MARK3: variants seen among roughly 807,000 people sequenced by gnomAD.
The protein encoded by MARK3 is MAP/microtubule affinity-regulating kinase 3.
Under a neutral mutation model 90.1 loss-of-function variants are expected in MARK3, and 46 were observed. The observed-to-expected ratio is 0.51, with a 90% CI of 0.40 to 0.65. The LOEUF (loss-of-function observed/expected upper bound fraction) is 0.65, where lower values mean the gene tolerates loss of function less well. Among genes scored for constraint, MARK3 ranks in the 30% least tolerant of loss-of-function variants. The pLI is 0.00. For missense variants in MARK3, 818 were observed against 947.2 expected (o/e 0.86, Z 1.79); for synonymous variants, 321 against 332.6 (o/e 0.97, Z 0.38).
At chr14:103,424,477 G>A (rs1364390174) in intron 2 of MARK3, among the ~76,000 whole-genome samples, 1 of 151,080 alleles carries the variant, frequency 6.6e-6, no homozygotes, top group Non-Finnish European at 1.5e-5. Flanking sequence ...AATGAACTGT[G>A]ATCATGTCAC....
intron 17 of MARK3, among the ~76,000 whole-genome samples, 157 bp from the exon 18 acceptor site, chr14:103,502,725 G>A (rs2075738100): frequency 1.3e-5 from 2 of 152,208 alleles, no homozygotes; most frequent in South Asian, 2.1e-4. Flanking sequence ...GAAAATAGAC[G>A]AAAATAGACT....
intron 6 of MARK3, chr14:103,458,793 TTTG>T (rs2093335540): frequency 1.4e-6 from 1 of 712,728 alleles, no homozygotes; most frequent in African/African-American, 1.7e-5. Context: ...GATGTTTACA[TTTG>T]TAAGTGATAG....
intron 2 of MARK3, among the ~76,000 whole-genome samples, chr14:103,415,743 T>A (rs1345271943): frequency 6.6e-6 from 1 of 152,238 alleles, no homozygotes; most frequent in African/African-American, 2.4e-5. Context: ...TGTTTAAAAA[T>A]TATTTTCCTA....
chr14:103,496,971 G>A (rs999805733), intron 15 of MARK3, among the ~76,000 whole-genome samples: 1 of 152,140 alleles, frequency 6.6e-6, no homozygotes, highest in South Asian at 2.1e-4. Flanking sequence ...AAACCCAGGA[G>A]TTTGAGGTTA....
In MARK3 at chr14:103,386,089, C is replaced by T. The variant is rs541669877; in HGVS notation, c.51+9C>T. 3.1e-5 allele frequency: 50 copies of T among 1,614,052 alleles called. No individual in the cohort carries two copies. The South Asian group carries it at 3.2e-4, about 10-fold the overall frequency. Reference sequence around the variant, plus strand: ...AACGAGACACTGAAAACGTAAGTAACCTGGGCGTTGTAGTTGGCGGACCTT... The same window carrying T: ...AACGAGACACTGAAAACGTAAGTAATCTGGGCGTTGTAGTTGGCGGACCTT... On this transcript the variant is annotated intron_variant, in intron 1 of 17. Transcript: ENST00000429436.
chr14:103,390,570 A>G (rs2090169017), intron 1 of MARK3, among the ~76,000 whole-genome samples: 2 of 152,314 alleles, frequency 1.3e-5, no homozygotes, highest in South Asian at 2.1e-4. Flanking sequence ...AACACTAACA[A>G]TAGCTGATAA....
intron 2 of MARK3, chr14:103,412,794 G>T: frequency 2.4e-6 from 1 of 418,506 alleles, no homozygotes; most frequent in South Asian, 2.0e-5. Flanking sequence ...AGAAAAGAGG[G>T]TTTAGTTGGT....
intron 1 of MARK3, among the ~76,000 whole-genome samples, chr14:103,400,981 G>GTGTA (rs1555371023): frequency 4.8e-5 from 7 of 144,732 alleles, no homozygotes; most frequent in East Asian, 4.0e-4. Flanking sequence ...GTGTGTGTGT[G>GTGTA]TATGCAGGTT....
At chr14:103,467,475 G>C in intron 11 of MARK3, 1 of 202,658 alleles carries the variant, frequency 4.9e-6, no homozygotes, top group Non-Finnish European at 9.9e-6. Context: ...GACCAGACTG[G>C]CCAACATAGG....
At chr14:103,500,040 T>G in intron 16 of MARK3, 116 bp from the exon 17 acceptor site, 1 of 783,904 alleles carries the variant, frequency 1.3e-6, no homozygotes, top group Admixed American at 2.1e-5. Context: ...GTTTAAAACG[T>G]GTTTTGGCTT....
At position 103,385,985 on chromosome 14, in the gene MARK3, G is replaced by A; in HGVS notation, c.-45G>A. On this transcript the variant is annotated 5_prime_UTR_variant, in exon 1 of 18. Coordinates refer to ENST00000429436, the MANE Select transcript of MARK3 (RefSeq NM_001128918.3). ...GTCGCCGGCCTCCTAGGGCTGTGCTGTTTTGTTTTGACCCTCGCATTGTGC... is the reference window on the plus strand; with the variant it reads ...GTCGCCGGCCTCCTAGGGCTGTGCTATTTTGTTTTGACCCTCGCATTGTGC... 15 of 1,550,788 alleles carry A rather than the reference G, an allele frequency of 9.7e-6. No individual in the cohort carries two copies. The highest frequency in any genetic ancestry group is 1.3e-5 in the Non-Finnish European group (15 of 1,122,294).
At chr14:103,424,748 GT>G (rs1384643041) in intron 2 of MARK3, among the ~76,000 whole-genome samples, 3 of 152,150 alleles carry the variant, frequency 2.0e-5, no homozygotes, top group Non-Finnish European at 4.4e-5. Context: ...ATGTCTAACG[GT>G]TTCATTGGAA....
At chr14:103,460,412 A>G (rs141833731) in intron 6 of MARK3, among the ~76,000 whole-genome samples, 10 of 151,950 alleles carry the variant, frequency 6.6e-5, no homozygotes, top group Non-Finnish European at 1.5e-4. Flanking sequence ...TTACCTCTTT[A>G]TTGGTGGGCT....
rs556842053 is a variant in MARK3, at chr14:103,449,190, T to C, written c.346+223T>C. ...TTTAATCTGGTAGAAACATCTGTAC[T>C]CTGATTATAATTTTCTAATTTTTAA... On this transcript the variant is annotated intron_variant, in intron 4 of 17. Coordinates refer to ENST00000429436, the MANE Select transcript of MARK3 (RefSeq NM_001128918.3). Among the ~76,000 whole-genome samples the C allele has an allele frequency of 8.6e-4, 130 of 151,912 alleles. 1 individual carries two copies. The highest frequency in any genetic ancestry group is 3.1e-3 in the African/African-American group (127 of 41,522).
intron 1 of MARK3, among the ~76,000 whole-genome samples, chr14:103,391,589 G>T (rs2090246042): frequency 6.7e-6 from 1 of 150,228 alleles, no homozygotes; most frequent in African/African-American, 2.5e-5. Flanking sequence ...TGTCGCCCAG[G>T]TTGGAGTGCA....
At chr14:103,406,418 G>A (rs1161309347) in intron 2 of MARK3, among the ~76,000 whole-genome samples, 5 of 141,136 alleles carry the variant, frequency 3.5e-5, no homozygotes, top group Admixed American at 1.4e-4. Flanking sequence ...TGTATTTTTA[G>A]TAGAGGTGGG....
rs372552409 is a variant in MARK3 at position 103,449,079 on chromosome 14, A to C, written c.346+112A>C. The C allele has an allele frequency of 1.1e-3, 1,293 of 1,180,612 alleles. 1 individual carries two copies. Among genetic ancestry groups the C allele is most frequent in the Non-Finnish European group, 1.4e-3 (1,168 of 835,856 alleles). 73.1% of individuals were successfully genotyped at this position (1,180,612 alleles called of 1,614,324 possible). ...AGAGTACACTTCTAGTAAAATATATATACAAGTTGTTGATCATTTGTATTA... is the reference window on the plus strand; with the variant it reads ...AGAGTACACTTCTAGTAAAATATATCTACAAGTTGTTGATCATTTGTATTA... On this transcript the variant is annotated intron_variant, in intron 4 of 17. Transcript: ENST00000429436.
rs376880922 is a variant in MARK3, at chr14:103,425,249, A to ATTTATTTAT, written c.244-3136_244-3135insTATTTATTT. 2.0e-5 allele frequency among the ~76,000 whole-genome samples: 3 copies of ATTTATTTAT among 146,750 alleles called. No individual in the cohort carries two copies. In the South Asian group the frequency reaches 6.6e-4, roughly 32 times the overall value. On this transcript the variant is annotated intron_variant, in intron 2 of 17. Coordinates refer to ENST00000429436, the MANE Select transcript of MARK3 (RefSeq NM_001128918.3). ...GCCACCACACCTGGCCTATTTATTT[A>ATTTATTTAT]TTATTTATTTATTTATTTATTTATT...
At chr14:103,472,391 C>A (rs1278289031) in intron 12 of MARK3, among the ~76,000 whole-genome samples, 1 of 151,792 alleles carries the variant, frequency 6.6e-6, no homozygotes, top group Non-Finnish European at 1.5e-5. Context: ...GTCGCATAAT[C>A]CCAGCACTTT....
Sources: allele counts gnomAD v4.1 joint callset (sites outside exome capture counted in the v4.1 genomes callset), GRCh38; gene constraint gnomAD v4.1.1; transcripts MANE v1.5; gene names NCBI Gene and HGNC (gene_info 2026-07-23, HGNC 2026-07-21).